LOC128092253: variants seen among roughly 807,000 people sequenced by gnomAD.
chr6:133,969,696 G>C, the LOC128092253 span, among the ~76,000 whole-genome samples: 1 of 152,090 alleles, frequency 6.6e-6, no homozygotes, highest in Non-Finnish European at 1.5e-5. Context: ...CTCCTAAAAT[G>C]TCCTCATGAT....
chr6:133,958,568 G>T, the LOC128092253 span, among the ~76,000 whole-genome samples: 1 of 152,170 alleles, frequency 6.6e-6, no homozygotes, highest in Non-Finnish European at 1.5e-5. Context: ...TGTTTAGGCT[G>T]CTGCTGAAAT....
the LOC128092253 span, among the ~76,000 whole-genome samples, chr6:133,963,363 T>C: frequency 6.6e-6 from 1 of 152,178 alleles, no homozygotes; most frequent in Non-Finnish European, 1.5e-5. Context: ...GTCAATTAAA[T>C]CTGTATTTGT....
chr6:133,975,138 A>G, the LOC128092253 span, among the ~76,000 whole-genome samples: 17 of 152,186 alleles, frequency 1.1e-4, no homozygotes, highest in Admixed American at 5.2e-4. Flanking sequence ...AGCTACTGAT[A>G]GTTTGTTCTG....
At chr6:133,971,500 A>G in the LOC128092253 span, among the ~76,000 whole-genome samples, 3 of 152,296 alleles carry the variant, frequency 2.0e-5, no homozygotes, top group East Asian at 1.9e-4. Context: ...ACTGTTTTCT[A>G]TAATGGCTAT....
At chr6:133,957,598 G>C in the LOC128092253 span, among the ~76,000 whole-genome samples, 1 of 152,226 alleles carries the variant, frequency 6.6e-6, no homozygotes, top group Non-Finnish European at 1.5e-5. Context: ...GTTTTGATCA[G>C]AATCAGTTAC....
chr6:133,979,653 GGTTT>G, the LOC128092253 span, among the ~76,000 whole-genome samples: 2 of 152,076 alleles, frequency 1.3e-5, no homozygotes, highest in Non-Finnish European at 2.9e-5. Context: ...GACATGATTT[GGTTT>G]GTTTGTTTTG....
chr6:133,953,990 A>G, the LOC128092253 span, among the ~76,000 whole-genome samples: 1 of 152,194 alleles, frequency 6.6e-6, no homozygotes, highest in South Asian at 2.1e-4. Context: ...AGGATCTAGA[A>G]CTGAAGAAGA....
At chr6:133,955,281 C>T in the LOC128092253 span, among the ~76,000 whole-genome samples, 1 of 150,014 alleles carries the variant, frequency 6.7e-6, no homozygotes, top group African/African-American at 2.5e-5. Flanking sequence ...GGGTCAAGCC[C>T]TAGCTTCCAC....
the LOC128092253 span, among the ~76,000 whole-genome samples, chr6:133,976,722 GC>G: frequency 6.6e-6 from 1 of 152,104 alleles, no homozygotes; most frequent in Non-Finnish European, 1.5e-5. Flanking sequence ...TGGCGCGGTG[GC>G]CCACACCTGT....
the LOC128092253 span, among the ~76,000 whole-genome samples, chr6:133,963,875 A>C: frequency 1.1e-4 from 13 of 118,558 alleles, no homozygotes; most frequent in African/African-American, 5.3e-4. Context: ...CTAAAAATAC[A>C]AAAAAAAAAA....
chr6:133,967,551 A>G, the LOC128092253 span, among the ~76,000 whole-genome samples: 5 of 152,296 alleles, frequency 3.3e-5, no homozygotes, highest in Non-Finnish European at 7.4e-5. Context: ...ATAAACCCAG[A>G]CGGTAGAATC....
chr6:133,959,158 G>A, the LOC128092253 span, among the ~76,000 whole-genome samples: 3 of 152,048 alleles, frequency 2.0e-5, no homozygotes, highest in Admixed American at 2.0e-4. Context: ...TTGTGCCTCA[G>A]ACACCCAAGT....
chr6:133,966,457 G>A, the LOC128092253 span, among the ~76,000 whole-genome samples: 1 of 152,142 alleles, frequency 6.6e-6, no homozygotes, highest in Non-Finnish European at 1.5e-5. Context: ...TTTCACCCAT[G>A]ATGGTTTTAA....
the LOC128092253 span, among the ~76,000 whole-genome samples, chr6:133,955,837 CA>C: frequency 2.0e-5 from 3 of 152,076 alleles, no homozygotes; most frequent in Admixed American, 6.5e-5. Flanking sequence ...TATATTCTGC[CA>C]AATTTGAGGG....
the LOC128092253 span, among the ~76,000 whole-genome samples, chr6:133,975,876 C>A: frequency 2.6e-5 from 4 of 152,118 alleles, no homozygotes; most frequent in East Asian, 7.7e-4. Flanking sequence ...ATGATAGGTA[C>A]GTAGATGTTC....
the LOC128092253 span, among the ~76,000 whole-genome samples, chr6:133,976,140 G>A: frequency 3.3e-5 from 5 of 152,034 alleles, no homozygotes; most frequent in African/African-American, 4.8e-5. Flanking sequence ...AAAAAAGATC[G>A]TTAACTCTTT....
At chr6:133,953,425 G>A in the LOC128092253 span, 1 of 152,862 alleles carries the variant, frequency 6.5e-6, no homozygotes, top group Admixed American at 6.5e-5. Context: ...CTCTTCCCAC[G>A]GTAACCCCCT....
chr6:133,957,147 T>C, the LOC128092253 span, among the ~76,000 whole-genome samples: 167 of 152,292 alleles, frequency 1.1e-3, no homozygotes, highest in Middle Eastern at 0.014. Context: ...TGAAGCATGC[T>C]ATGGATCCCA....
chr6:133,961,497 C>T, the LOC128092253 span, among the ~76,000 whole-genome samples: 1 of 130,842 alleles, frequency 7.6e-6, no homozygotes, highest in African/African-American at 2.9e-5. Context: ...GAGACGGAGT[C>T]GTGCTCTGTC....
Sources: gnomAD v4.1 joint callset for allele counts (sites outside exome capture counted in the v4.1 genomes callset) on GRCh38, gnomAD v4.1.1 for gene constraint, MANE v1.5 for transcripts.